The following PAK1 variants were observed in gnomAD, a reference collection of about 807,000 sequenced individuals.
PAK1 encodes the protein p21 (RAC1) activated kinase 1, also known as serine/threonine-protein kinase PAK 1.
Under a neutral mutation model 67.4 loss-of-function variants are expected in PAK1, and 29 were observed. The observed-to-expected ratio is 0.43, with a 90% CI of 0.32 to 0.59. PAK1 has a LOEUF of 0.59. Among genes scored for constraint, PAK1 ranks in the 20% least tolerant of loss-of-function variants. The pLI is 0.07. For synonymous variants in PAK1, 223 were observed against 237.4 expected (o/e 0.94, Z 0.56); for missense variants, 337 against 670.7 (o/e 0.50, Z 5.50).
At chr11:77,337,202 A>G (rs1201097649) in intron 12 of PAK1, 122 bp downstream of exon 12, 1 of 535,162 alleles carries the variant, frequency 1.9e-6, no homozygotes, top group African/African-American at 1.9e-5. Context: ...CAGCCCTCAT[A>G]TCCCATGAAA....
chr11:77,375,355 T>C (rs919191747), intron 4 of PAK1, among the ~76,000 whole-genome samples: 3 of 152,192 alleles, frequency 2.0e-5, no homozygotes, highest in Admixed American at 2.0e-4. Flanking sequence ...TCAGCTTTCA[T>C]AAAGGATCCT....
chr11:77,336,067 T>C lies in PAK1; in HGVS notation c.1413+19A>G, dbSNP rs774022993. The C allele has an allele frequency of 8.6e-6, 13 of 1,503,364 alleles. No individual in the cohort carries two copies. Among genetic ancestry groups the C allele is most frequent in the African/African-American group, 1.4e-5 (1 of 72,642 alleles). The allele number at this position is 1,503,364 out of a possible 1,614,324, so 93.1% of individuals were successfully genotyped here. On this transcript the variant is annotated intron_variant, in intron 13 of 14. Coordinates refer to ENST00000356341, the MANE Select transcript of PAK1 (RefSeq NM_002576.5). Reference sequence around the variant, plus strand: ...AGACAACAGCCCAAATAACTTGAAATAGAACTGGTAACACTCACTCTCAGA... The same window carrying C: ...AGACAACAGCCCAAATAACTTGAAACAGAACTGGTAACACTCACTCTCAGA...
chr11:77,437,011 T>C (rs1441627133), intron 1 of PAK1, among the ~76,000 whole-genome samples: 1 of 152,172 alleles, frequency 6.6e-6, no homozygotes, highest in East Asian at 1.9e-4. Flanking sequence ...ATACTACCTA[T>C]TTCACAGTAC....
At chr11:77,427,028 A>T (rs1203679784) in intron 1 of PAK1, among the ~76,000 whole-genome samples, 2 of 152,202 alleles carry the variant, frequency 1.3e-5, no homozygotes, top group Admixed American at 1.3e-4. Flanking sequence ...TGGTAGTGGG[A>T]TCTAAAGAAA....
At chr11:77,520,230 C>A in the PAK1 span, among the ~76,000 whole-genome samples, 1 of 152,128 alleles carries the variant, frequency 6.6e-6, no homozygotes, top group African/African-American at 2.4e-5. Flanking sequence ...AGGATAAGGA[C>A]AAGGATAAGG....
chr11:77,523,664 C>T, the PAK1 span, among the ~76,000 whole-genome samples: 3 of 152,140 alleles, frequency 2.0e-5, no homozygotes, highest in African/African-American at 4.8e-5. Flanking sequence ...GTGATCCTCC[C>T]GCCTTGACCT....
At chr11:77,437,192 A>G (rs146188065) in intron 1 of PAK1, among the ~76,000 whole-genome samples, 1 of 152,344 alleles carries the variant, frequency 6.6e-6, no homozygotes, top group East Asian at 1.9e-4. Flanking sequence ...CCCATCTGTA[A>G]AACAATGATA....
the PAK1 span, among the ~76,000 whole-genome samples, chr11:77,482,209 G>A: frequency 6.6e-6 from 1 of 151,714 alleles, no homozygotes; most frequent in East Asian, 1.9e-4. Context: ...GGCTGGTCTC[G>A]AACTCCTGAC....
intron 4 of PAK1, among the ~76,000 whole-genome samples, chr11:77,375,237 T>G (rs1948943060): frequency 6.6e-6 from 1 of 152,170 alleles, no homozygotes. Flanking sequence ...ATCAGCTATA[T>G]CACTGTCAGG....
chr11:77,431,335 C>T (rs1430706543), intron 1 of PAK1, among the ~76,000 whole-genome samples: 1 of 152,114 alleles, frequency 6.6e-6, no homozygotes, highest in Non-Finnish European at 1.5e-5. Flanking sequence ...TGTCTCATAT[C>T]AACCCTGAGA....
intron 12 of PAK1, 38 bp from the exon 13 acceptor site, chr11:77,336,320 G>A: frequency 6.7e-7 from 1 of 1,488,150 alleles, no homozygotes. Context: ...ATACATTTAG[G>A]ATATACACTC....
chr11:77,522,705 A>G, the PAK1 span, among the ~76,000 whole-genome samples: 3 of 152,338 alleles, frequency 2.0e-5, no homozygotes, highest in Middle Eastern at 3.4e-3. Flanking sequence ...TTTGACCCAG[A>G]AATCCTATCA....
chr11:77,477,501 T>G (rs1244480233), upstream of PAK1, among the ~76,000 whole-genome samples: 2 of 134,432 alleles, frequency 1.5e-5, no homozygotes, highest in Non-Finnish European at 3.1e-5. Context: ...GAGGCCAAGG[T>G]GGGCAGATCG....
chr11:77,355,641 A>T, intron 7 of PAK1, 27 bp downstream of exon 7: 1 of 1,590,100 alleles, frequency 6.3e-7, no homozygotes, highest in Non-Finnish European at 8.6e-7. Flanking sequence ...AAACGAAGAA[A>T]GGTTCAGAAA....
At chr11:77,343,263 TAAA>T (rs35680227) in intron 10 of PAK1, among the ~76,000 whole-genome samples, 2,065 of 147,690 alleles carry the variant, frequency 0.014, 39 homozygotes, top group African/African-American at 0.045. Flanking sequence ...CAAGCTTACG[TAAA>T]AAAAAAAAAA....
chr11:77,335,713 A>G (rs972195438), intron 13 of PAK1, among the ~76,000 whole-genome samples: 2 of 152,228 alleles, frequency 1.3e-5, no homozygotes, highest in African/African-American at 4.8e-5. Context: ...ACTCTGCAGA[A>G]TAAAATAACT....
At chr11:77,387,127 C>CA (rs1950552799) in intron 2 of PAK1, among the ~76,000 whole-genome samples, 1 of 143,744 alleles carries the variant, frequency 7.0e-6, no homozygotes, top group South Asian at 2.2e-4. Context: ...GGCTGGAGTG[C>CA]AGTAGCATGA....
chr11:77,496,521 A>G, the PAK1 span, among the ~76,000 whole-genome samples: 6 of 152,046 alleles, frequency 3.9e-5, no homozygotes, highest in Non-Finnish European at 8.8e-5. Flanking sequence ...GCTACCCAAG[A>G]GGCTGAGGTG....
chr11:77,520,411 T>C, the PAK1 span, among the ~76,000 whole-genome samples: 1 of 152,122 alleles, frequency 6.6e-6, no homozygotes, highest in Admixed American at 6.6e-5. Flanking sequence ...ACCGGGTTAT[T>C]AGAAAACACG....
Sources: allele counts gnomAD v4.1 joint callset (sites outside exome capture counted in the v4.1 genomes callset), GRCh38; gene constraint gnomAD v4.1.1; transcripts MANE v1.5; gene names NCBI Gene and HGNC (gene_info 2026-07-23, HGNC 2026-07-21).